Variants in BTBD9 observed in about 807,000 individuals in gnomAD.
BTBD9 encodes the protein BTB/POZ domain-containing protein 9.
In BTBD9, 49 loss-of-function variants were observed where a neutral mutation model predicts 64.3. That is an observed-to-expected ratio of 0.76 (90% CI 0.61 to 0.97). The LOEUF is 0.97. Ranked by LOEUF, BTBD9 falls within the 50% of genes least tolerant of loss-of-function variation. The probability of loss-of-function intolerance (pLI) is 0.00; values close to 1 mark genes in which losing one functional copy is unlikely to be tolerated. For synonymous variants in BTBD9, 260 were observed against 274.7 expected (o/e 0.95, Z 0.53); for missense variants, 598 against 762.1 (o/e 0.78, Z 2.53).
intron 6 of BTBD9, among the ~76,000 whole-genome samples, chr6:38,400,405 G>A (rs1766876476): frequency 6.6e-6 from 1 of 152,030 alleles, no homozygotes; most frequent in African/African-American, 2.4e-5. Context: ...TTGCTCTACT[G>A]AAACTAATCT....
At chr6:38,291,155 T>C (rs1761940521) in intron 7 of BTBD9, among the ~76,000 whole-genome samples, 1 of 152,158 alleles carries the variant, frequency 6.6e-6, no homozygotes. Flanking sequence ...ATTGCCAAAT[T>C]TTTCACCAAA....
intron 9 of BTBD9, among the ~76,000 whole-genome samples, chr6:38,221,196 G>A (rs1232057507): frequency 6.6e-6 from 1 of 152,066 alleles, no homozygotes; most frequent in East Asian, 1.9e-4. Context: ...CAGTCCCTTG[G>A]GGTATCATTT....
chr6:38,493,858 T>G (rs1012492004), intron 6 of BTBD9, among the ~76,000 whole-genome samples: 1 of 152,230 alleles, frequency 6.6e-6, no homozygotes, highest in East Asian at 1.9e-4. Context: ...TCACATTAAT[T>G]AATGCTAAAA....
At chr6:38,638,661 C>A (rs1263516806) in intron 1 of BTBD9, among the ~76,000 whole-genome samples, 1 of 152,198 alleles carries the variant, frequency 6.6e-6, no homozygotes, top group East Asian at 1.9e-4. Context: ...TTTACAGATT[C>A]TCAGTTATGA....
intron 9 of BTBD9, among the ~76,000 whole-genome samples, chr6:38,217,688 T>TTTTC (rs1464219201): frequency 6.9e-6 from 1 of 145,584 alleles, no homozygotes. Flanking sequence ...ATTATTATTT[T>TTTTC]TTTCTTTTTT....
intron 8 of BTBD9, among the ~76,000 whole-genome samples, chr6:38,263,917 G>A (rs78532247): frequency 8.5e-5 from 13 of 152,190 alleles, no homozygotes; most frequent in African/African-American, 3.1e-4. Context: ...GAAAAGGTAC[G>A]CAATAAGAGT....
At chr6:38,341,455 T>C (rs1047021801) in intron 7 of BTBD9, among the ~76,000 whole-genome samples, 2 of 152,208 alleles carry the variant, frequency 1.3e-5, no homozygotes, top group African/African-American at 4.8e-5. Context: ...TAGCTGTGAA[T>C]TGATAATTTT....
chr6:38,569,813 T>C (rs1046802958), intron 6 of BTBD9, among the ~76,000 whole-genome samples: 1 of 151,840 alleles, frequency 6.6e-6, no homozygotes, highest in African/African-American at 2.4e-5. Context: ...TGTTGTTGTG[T>C]TTTCCCCCTA....
At chr6:38,458,068 A>G (rs1769901567) in intron 6 of BTBD9, among the ~76,000 whole-genome samples, 1 of 152,200 alleles carries the variant, frequency 6.6e-6, no homozygotes, top group African/African-American at 2.4e-5. Context: ...AGATTTTGCC[A>G]TATCCATGAT....
intron 6 of BTBD9, among the ~76,000 whole-genome samples, chr6:38,376,084 T>C (rs1765687752): frequency 6.6e-6 from 1 of 152,182 alleles, no homozygotes; most frequent in Non-Finnish European, 1.5e-5. Flanking sequence ...AACTCCAAAT[T>C]ATCCCTTGCT....
At chr6:38,385,744 C>A (rs1454717740) in intron 6 of BTBD9, among the ~76,000 whole-genome samples, 4 of 146,550 alleles carry the variant, frequency 2.7e-5, no homozygotes, top group African/African-American at 5.1e-5. Context: ...AACATGCCTA[C>A]AAAAATTTTT....
intron 7 of BTBD9, among the ~76,000 whole-genome samples, chr6:38,336,374 TA>T (rs1562042557): frequency 6.6e-6 from 1 of 152,194 alleles, no homozygotes; most frequent in Non-Finnish European, 1.5e-5. Flanking sequence ...AAAAGAGGTT[TA>T]ATTGACTCAT....
At chr6:38,176,078 G>A (rs1761230748) in intron 10 of BTBD9, among the ~76,000 whole-genome samples, 1 of 152,334 alleles carries the variant, frequency 6.6e-6, no homozygotes, top group East Asian at 1.9e-4. Context: ...GCAAGCAAGG[G>A]TAAGCCATGG....
At chr6:38,462,332 AT>A (rs1284738178) in intron 6 of BTBD9, among the ~76,000 whole-genome samples, 1 of 152,172 alleles carries the variant, frequency 6.6e-6, no homozygotes, top group Non-Finnish European at 1.5e-5. Flanking sequence ...GTTGGGGTCA[AT>A]TTTTGTCTAT....
intron 1 of BTBD9, among the ~76,000 whole-genome samples, chr6:38,605,893 T>C (rs1176431020): frequency 6.6e-6 from 1 of 152,178 alleles, no homozygotes; most frequent in East Asian, 1.9e-4. Context: ...TGTGAGGGTG[T>C]TGCCAAAGAA....
chr6:38,474,600 G>C (rs1036616936), intron 6 of BTBD9, among the ~76,000 whole-genome samples: 1 of 152,148 alleles, frequency 6.6e-6, no homozygotes, highest in Non-Finnish European at 1.5e-5. Flanking sequence ...AGAGTAACCT[G>C]AACTAATCAA....
chr6:38,328,968 ATGTGTGTGTGTGTG>A (rs70981541), intron 7 of BTBD9, among the ~76,000 whole-genome samples: 110 of 127,374 alleles, frequency 8.6e-4, no homozygotes, highest in Non-Finnish European at 1.4e-3. Context: ...GAAAGAAAAT[ATGTGTGTGTGTGTG>A]TGTGTGTGTG....
chr6:38,417,314 G>A (rs1230024672), intron 6 of BTBD9, among the ~76,000 whole-genome samples: 1 of 152,204 alleles, frequency 6.6e-6, no homozygotes, highest in Admixed American at 6.5e-5. Flanking sequence ...CAAGTCAGGT[G>A]TCTCCCACTG....
intron 6 of BTBD9, among the ~76,000 whole-genome samples, chr6:38,444,527 C>T (rs1441766073): frequency 6.6e-6 from 1 of 152,084 alleles, no homozygotes; most frequent in Admixed American, 6.5e-5. Context: ...TATCCTACGG[C>T]CTAGTGATTA....
Sources: gnomAD v4.1 joint callset for allele counts (sites outside exome capture counted in the v4.1 genomes callset) on GRCh38, gnomAD v4.1.1 for gene constraint, MANE v1.5 for transcripts, NCBI Gene and HGNC (gene_info 2026-07-23, HGNC 2026-07-21) for gene names.